The following ADARB2 variants were observed in gnomAD, a reference collection of about 807,000 sequenced individuals.
The protein encoded by ADARB2 is adenosine deaminase RNA specific B2 (inactive), also known as inactive double-stranded RNA-specific editase B2.
In ADARB2, 25 loss-of-function variants were observed where a neutral mutation model predicts 62.2. The ratio of observed to expected loss-of-function variants is 0.40; its 90% CI spans 0.29 to 0.56. The LOEUF (loss-of-function observed/expected upper bound fraction) is 0.56. Ranked by LOEUF, ADARB2 falls within the 20% of genes least tolerant of loss-of-function variation. The pLI is 0.43. For missense variants in ADARB2, 1,071 were observed against 1,077.4 expected (o/e 0.99, Z 0.08); for synonymous variants, 572 against 500.8 (o/e 1.14, Z -1.90).
intron 1 of ADARB2, among the ~76,000 whole-genome samples, chr10:1,613,747 C>T (rs1833598516): frequency 6.6e-6 from 1 of 152,132 alleles, no homozygotes; most frequent in Admixed American, 6.5e-5. Flanking sequence ...GATTAGAACA[C>T]GATGCCTTTA....
intron 1 of ADARB2, among the ~76,000 whole-genome samples, chr10:1,677,955 C>G (rs1017476916): frequency 2.0e-5 from 3 of 152,338 alleles, no homozygotes; most frequent in African/African-American, 7.2e-5. Flanking sequence ...TCACAGATAG[C>G]AGAGAACGAC....
At position 1,364,353 on chromosome 10, in the gene ADARB2, C is replaced by T. The variant is rs569474548; in HGVS notation, c.188-436G>A. Among the ~76,000 whole-genome samples, 336 of 152,318 alleles carry T rather than the reference C, an allele frequency of 2.2e-3. 3 individuals are homozygous for T. Among genetic ancestry groups the T allele is most frequent in the Non-Finnish European group, 6.5e-4 (44 of 68,036 alleles). ...CCCCAATACTGAGGGTCAGGGGGTC[C>T]GGCCCCCAAACTCTACTTCCTCACT... On this transcript the variant is annotated intron_variant, in intron 2 of 9. Coordinates refer to ENST00000381312, the MANE Select transcript of ADARB2 (RefSeq NM_018702.4).
rs532648288 is a variant in ADARB2 at position 1,689,847 on chromosome 10, C to T, written c.100+47204G>A. ...CAGATTTTGATGATGTTAGATTGCTCGCCAAATAACAGTCCCCTCTACAGT... is the reference window on the plus strand; with the variant it reads ...CAGATTTTGATGATGTTAGATTGCTTGCCAAATAACAGTCCCCTCTACAGT... On this transcript the variant is annotated intron_variant, in intron 1 of 9. Coordinates refer to ENST00000381312, the MANE Select transcript of ADARB2 (RefSeq NM_018702.4). 7.2e-5 allele frequency among the ~76,000 whole-genome samples: 11 copies of T among 152,280 alleles called. No homozygotes were observed. In the East Asian group the frequency reaches 9.6e-4, roughly 13 times the overall value.
intron 4 of ADARB2, among the ~76,000 whole-genome samples, chr10:1,267,624 A>G (rs977728814): frequency 6.6e-6 from 1 of 152,200 alleles, no homozygotes; most frequent in African/African-American, 2.4e-5. Context: ...TTTCAATAAG[A>G]GAAAAAAGAA....
At chr10:1,713,825 G>T (rs868815301) in intron 1 of ADARB2, among the ~76,000 whole-genome samples, 9 of 152,140 alleles carry the variant, frequency 5.9e-5, no homozygotes, top group South Asian at 2.1e-4. Flanking sequence ...CTTCCTTGAG[G>T]ACACAGAGAG....
chr10:1,537,635 A>G (rs1433222554), intron 1 of ADARB2, among the ~76,000 whole-genome samples: 1 of 152,244 alleles, frequency 6.6e-6, no homozygotes, highest in African/African-American at 2.4e-5. Flanking sequence ...TGCAGCCATA[A>G]AAAGGAAGGA....
intron 1 of ADARB2, among the ~76,000 whole-genome samples, chr10:1,490,703 C>A (rs1237601094): frequency 6.6e-6 from 1 of 152,182 alleles, no homozygotes; most frequent in East Asian, 1.9e-4. Flanking sequence ...GATCTGCTCT[C>A]TTTGGCTTCC....
intron 7 of ADARB2, among the ~76,000 whole-genome samples, chr10:1,206,504 TGTGTGGTCTG>T (rs1837069198): frequency 6.6e-6 from 1 of 151,500 alleles, no homozygotes; most frequent in African/African-American, 2.4e-5. Flanking sequence ...TCCTCGTGCC[TGTGTGGTCTG>T]AGAGAACTGC....
At chr10:1,489,694 A>G (rs1258862707) in intron 1 of ADARB2, among the ~76,000 whole-genome samples, 1 of 152,228 alleles carries the variant, frequency 6.6e-6, no homozygotes, top group Non-Finnish European at 1.5e-5. Flanking sequence ...TCTTTAGGTA[A>G]GACGAACTCT....
chr10:1,556,972 A>C, intron 1 of ADARB2: 1 of 393,028 alleles, frequency 2.5e-6, no homozygotes, highest in South Asian at 2.0e-5. Flanking sequence ...AATCCAGACA[A>C]TTTTCACCTC....
chr10:1,286,750 T>C (rs1831417454), intron 3 of ADARB2, among the ~76,000 whole-genome samples: 1 of 152,104 alleles, frequency 6.6e-6, no homozygotes, highest in Non-Finnish European at 1.5e-5. Context: ...GGCACAGAGA[T>C]GTACGCCTGC....
chr10:1,502,162 C>T (rs1010133354), intron 1 of ADARB2, among the ~76,000 whole-genome samples: 3 of 152,228 alleles, frequency 2.0e-5, no homozygotes, highest in East Asian at 1.9e-4. Flanking sequence ...GCTTTCACAG[C>T]GAAAGGAGAC....
chr10:1,548,092 C>G (rs1443972146), intron 1 of ADARB2, among the ~76,000 whole-genome samples: 8 of 152,146 alleles, frequency 5.3e-5, no homozygotes, highest in Non-Finnish European at 1.2e-4. Flanking sequence ...CACTGCCTCC[C>G]TAAGTGACTG....
chr10:1,719,799 C>T (rs539373529), intron 1 of ADARB2, among the ~76,000 whole-genome samples: 51 of 152,304 alleles, frequency 3.3e-4, no homozygotes, highest in African/African-American at 1.2e-3. Context: ...AAACATTGAA[C>T]GTGACTAATC....
At chr10:1,635,579 C>T (rs764916483) in intron 1 of ADARB2, among the ~76,000 whole-genome samples, 2 of 152,180 alleles carry the variant, frequency 1.3e-5, no homozygotes, top group Non-Finnish European at 2.9e-5. Flanking sequence ...ATTGCCCCGC[C>T]CACTCTGAGC....
At chr10:1,330,813 A>T (rs145201545) in intron 3 of ADARB2, among the ~76,000 whole-genome samples, 1 of 152,236 alleles carries the variant, frequency 6.6e-6, no homozygotes, top group Non-Finnish European at 1.5e-5. Flanking sequence ...TGAAAAGACA[A>T]CCCACAGAAT....
chr10:1,225,620 C>T (rs1271817881), intron 6 of ADARB2, among the ~76,000 whole-genome samples: 1 of 152,022 alleles, frequency 6.6e-6, no homozygotes, highest in African/African-American at 2.4e-5. Flanking sequence ...GTGACAAAAT[C>T]TCTCAGCATT....
chr10:1,309,161 T>C (rs1831661195), intron 3 of ADARB2, among the ~76,000 whole-genome samples: 2 of 152,184 alleles, frequency 1.3e-5, no homozygotes, highest in African/African-American at 4.8e-5. Context: ...ATGTCTGAGG[T>C]TGCCTCTAGG....
intron 1 of ADARB2, among the ~76,000 whole-genome samples, chr10:1,421,787 G>C (rs1225805295): frequency 6.6e-6 from 1 of 152,194 alleles, no homozygotes; most frequent in Admixed American, 6.5e-5. Flanking sequence ...TTGACAGGGA[G>C]GTGGTCTAAT....
Sources: gnomAD v4.1 joint callset for allele counts (sites outside exome capture counted in the v4.1 genomes callset) on GRCh38, gnomAD v4.1.1 for gene constraint, MANE v1.5 for transcripts, NCBI Gene and HGNC (gene_info 2026-07-23, HGNC 2026-07-21) for gene names.